Variants in COP1 observed in about 807,000 individuals in gnomAD.
COP1 encodes E3 ubiquitin-protein ligase COP1.
A neutral mutation model predicts 101.3 loss-of-function variants in COP1; 24 were observed. The ratio of observed to expected loss-of-function variants is 0.24; its 90% CI spans 0.17 to 0.33. The LOEUF (loss-of-function observed/expected upper bound fraction) is 0.33, where lower values mean the gene tolerates loss of function less well. Among genes scored for constraint, COP1 ranks in the 10% least tolerant of loss-of-function variants. COP1 has a pLI of 1.00. For synonymous variants in COP1, 347 were observed against 341.9 expected, an observed-to-expected ratio of 1.01 and a Z score of -0.17; for missense variants, 663 against 906.2, an observed-to-expected ratio of 0.73 and a Z score of 3.45.
At chr1:176,007,302 G>A (rs1304260023) in intron 15 of COP1, among the ~76,000 whole-genome samples, 2 of 152,068 alleles carry the variant, frequency 1.3e-5, no homozygotes, top group African/African-American at 4.8e-5. Context: ...TCCTCCCGTA[G>A]CTCAGAGTAA....
At chr1:176,147,366 G>A (rs1691726301) in intron 6 of COP1, among the ~76,000 whole-genome samples, 1 of 152,124 alleles carries the variant, frequency 6.6e-6, no homozygotes, top group African/African-American at 2.4e-5. Flanking sequence ...AATCAAAGTA[G>A]TAGATAAACG....
At chr1:176,085,293 T>C (rs891772723) in intron 10 of COP1, among the ~76,000 whole-genome samples, 5 of 152,088 alleles carry the variant, frequency 3.3e-5, no homozygotes, top group Admixed American at 2.6e-4. Context: ...TTAGTGGATA[T>C]TATTATCTAT....
chr1:175,994,717 C>A (rs1378433677), intron 15 of COP1, among the ~76,000 whole-genome samples: 2 of 152,096 alleles, frequency 1.3e-5, no homozygotes, highest in Non-Finnish European at 2.9e-5. Flanking sequence ...TATATGCACC[C>A]AATACAGGAG....
chr1:175,993,409 G>A (rs1659195490), intron 15 of COP1, among the ~76,000 whole-genome samples: 1 of 152,204 alleles, frequency 6.6e-6, no homozygotes, highest in Admixed American at 6.5e-5. Flanking sequence ...GCTTTGACGA[G>A]TTGAGAGAAG....
Position 175,976,809 on chromosome 1 carries a change from C to T in COP1, c.2133+10134G>A, listed in dbSNP as rs138406243. 2.6e-3 allele frequency among the ~76,000 whole-genome samples: 399 copies of T among 152,238 alleles called. 3 individuals carry two copies. Among genetic ancestry groups the T allele is most frequent in the African/African-American group, 9.2e-3 (381 of 41,548 alleles). ...GAATCTGACAAAAATATTTAGATAG[C>T]TCGTAATGAAATAAGACATTGAACT... On this transcript the variant is annotated intron_variant, in intron 18 of 19. Transcript: ENST00000367669.
chr1:175,976,054 T>C (rs1654450005), intron 18 of COP1, among the ~76,000 whole-genome samples: 1 of 56,102 alleles, frequency 1.8e-5, no homozygotes, highest in Admixed American at 2.7e-4. Flanking sequence ...ATGTAAAAGA[T>C]GTAGAATTAG....
intron 14 of COP1, among the ~76,000 whole-genome samples, chr1:176,035,218 T>C (rs1669282230): frequency 6.6e-6 from 1 of 151,920 alleles, no homozygotes; most frequent in Non-Finnish European, 1.5e-5. Context: ...TTAAAATTAA[T>C]GGAAAGATAG....
chr1:176,154,097 T>C (rs1693069755), intron 5 of COP1, among the ~76,000 whole-genome samples: 1 of 152,222 alleles, frequency 6.6e-6, no homozygotes, highest in Non-Finnish European at 1.5e-5. Flanking sequence ...AAGATGATGC[T>C]GGCCTCACAG....
chr1:176,048,814 C>T (rs994390017), intron 11 of COP1, among the ~76,000 whole-genome samples: 5 of 152,176 alleles, frequency 3.3e-5, no homozygotes, highest in Non-Finnish European at 7.3e-5. Context: ...TAAACACTAA[C>T]CTATCAAAAT....
chr1:175,990,817 G>T (rs1263308526), intron 15 of COP1, among the ~76,000 whole-genome samples: 1 of 151,630 alleles, frequency 6.6e-6, no homozygotes, highest in Non-Finnish European at 1.5e-5. Context: ...TACTTACATG[G>T]TATATCTTTT....
chr1:176,052,180 C>T (rs1672683820), intron 11 of COP1, among the ~76,000 whole-genome samples: 1 of 152,088 alleles, frequency 6.6e-6, no homozygotes, highest in Non-Finnish European at 1.5e-5. Flanking sequence ...TTTAGATACA[C>T]AAATACCATT....
At chr1:176,070,617 GCACCACTGCACTC>G (rs1171269950) in intron 11 of COP1, among the ~76,000 whole-genome samples, 1 of 151,916 alleles carries the variant, frequency 6.6e-6, no homozygotes, top group Non-Finnish European at 1.5e-5. Context: ...AGCCAAGACC[GCACCACTGCACTC>G]CAGCCTGAGC....
intron 18 of COP1, chr1:175,968,473 T>C: frequency 1.9e-6 from 1 of 519,176 alleles, no homozygotes; most frequent in South Asian, 1.4e-5. Context: ...TTATGTAGGA[T>C]CGCTGCAATC....
At chr1:176,148,565 T>C (rs1028097776) in intron 6 of COP1, among the ~76,000 whole-genome samples, 5 of 152,138 alleles carry the variant, frequency 3.3e-5, no homozygotes, top group African/African-American at 1.2e-4. Flanking sequence ...GCCTTTTAAC[T>C]ATCCTCCATG....
intron 12 of COP1, among the ~76,000 whole-genome samples, chr1:176,044,569 T>C (rs1427387088): frequency 6.6e-6 from 1 of 152,210 alleles, no homozygotes; most frequent in East Asian, 1.9e-4. Context: ...AAGAGTTTAT[T>C]TGCATTTTTA....
Position 175,989,347 on chromosome 1 carries a change from GA to G in COP1, c.1847+14del. ...CTCTGTATTAAGCTCAACCTCTGAG[GA>G]GAGTAATACTCACGCAGAGACAATT... On this transcript the variant is annotated intron_variant, in intron 16 of 19. Transcript: ENST00000367669. 7.6e-7 allele frequency: 1 copy of G among 1,307,386 alleles called. No individual in the cohort carries two copies. The highest frequency in any genetic ancestry group is 1.1e-6 in the Non-Finnish European group (1 of 900,388). 81.0% of individuals were successfully genotyped at this position (1,307,386 alleles called of 1,614,324 possible).
chr1:176,110,347 C>T (rs1299433490), intron 9 of COP1, among the ~76,000 whole-genome samples: 2 of 152,176 alleles, frequency 1.3e-5, no homozygotes, highest in Non-Finnish European at 2.9e-5. Context: ...ACCTCATCTT[C>T]TATTTTTATC....
In COP1 at chr1:176,206,565, A is replaced by AG. The variant is rs778984651; in HGVS notation, c.407+6_407+7insC. The AG allele has an allele frequency of 3.1e-6, 5 of 1,605,008 alleles. No individual in the cohort carries two copies. The highest frequency in any genetic ancestry group is 2.5e-6 in the Non-Finnish European group (3 of 1,178,270). On this transcript the variant is annotated splice_region_variant and intron_variant, in intron 1 of 19. Transcript: ENST00000367669. ...AGGGACAAGGAGGGAGTGCTCTTCA[A>AG]ACCCACCATACGAAGTCGTTGCTTT...
At chr1:175,996,783 T>C (rs1660260204) in intron 15 of COP1, among the ~76,000 whole-genome samples, 1 of 152,132 alleles carries the variant, frequency 6.6e-6, no homozygotes, top group Non-Finnish European at 1.5e-5. Context: ...TCCATGCTCA[T>C]GGGTAGGAAG....
Sources: allele counts gnomAD v4.1 joint callset (sites outside exome capture counted in the v4.1 genomes callset), GRCh38; gene constraint gnomAD v4.1.1; transcripts MANE v1.5; gene names NCBI Gene and HGNC (gene_info 2026-07-23, HGNC 2026-07-21).